The following SLC35F4 variants were observed in gnomAD, a reference collection of about 807,000 sequenced individuals.
SLC35F4 encodes chromosome 14 open reading frame 36.
Under a neutral mutation model 44.2 loss-of-function variants are expected in SLC35F4, and 24 were observed. That is an observed-to-expected ratio of 0.54 (90% confidence interval 0.39 to 0.76). SLC35F4 has a LOEUF of 0.76. Among genes scored for constraint, SLC35F4 ranks in the 30% least tolerant of loss-of-function variants. The pLI is 0.00. For synonymous variants in SLC35F4, 238 were observed against 223.6 expected, an observed-to-expected ratio of 1.06 and a Z score of -0.57; for missense variants, 562 against 586.1, an observed-to-expected ratio of 0.96 and a Z score of 0.42.
intron 1 of SLC35F4, among the ~76,000 whole-genome samples, chr14:57,724,153 G>T (rs1055570181): frequency 1.3e-5 from 2 of 152,204 alleles, no homozygotes; most frequent in Non-Finnish European, 2.9e-5. Flanking sequence ...AGTTTTGAGT[G>T]GGGTACAGAA....
At chr14:57,736,164 G>C (rs1008867747) in intron 1 of SLC35F4, among the ~76,000 whole-genome samples, 2 of 152,158 alleles carry the variant, frequency 1.3e-5, no homozygotes, top group Non-Finnish European at 2.9e-5. Flanking sequence ...AACTAAGCTT[G>C]TCCTGTCTAA....
At chr14:57,694,670 A>G (rs1049951552) in intron 1 of SLC35F4, among the ~76,000 whole-genome samples, 2 of 152,198 alleles carry the variant, frequency 1.3e-5, no homozygotes, top group African/African-American at 2.4e-5. Flanking sequence ...ATCTGTGAAC[A>G]TAGCATATCT....
intron 1 of SLC35F4, among the ~76,000 whole-genome samples, chr14:57,666,139 T>C (rs958553456): frequency 3.3e-5 from 5 of 152,138 alleles, no homozygotes; most frequent in Non-Finnish European, 7.4e-5. Flanking sequence ...AAATAAAGCT[T>C]GTCATAGGAA....
chr14:57,609,482 G>A (rs925339621), intron 1 of SLC35F4, among the ~76,000 whole-genome samples: 2 of 152,154 alleles, frequency 1.3e-5, no homozygotes, highest in Non-Finnish European at 2.9e-5. Context: ...TAAAGTATTT[G>A]TTCTGTTCCT....
chr14:57,584,822 A>C (rs141109758), intron 3 of SLC35F4, among the ~76,000 whole-genome samples: 125 of 152,128 alleles, frequency 8.2e-4, no homozygotes, highest in African/African-American at 2.5e-3. Flanking sequence ...TTCTTTTTAT[A>C]TAAAACTTTT....
chr14:57,587,689 T>C (rs2069853542), intron 3 of SLC35F4, among the ~76,000 whole-genome samples: 1 of 151,962 alleles, frequency 6.6e-6, no homozygotes, highest in Non-Finnish European at 1.5e-5. Flanking sequence ...GGTTAATGGG[T>C]GTAGCAAACC....
rs565630350 is a variant in SLC35F4 at position 57,797,810 on chromosome 14, C to A, written c.103+67913G>T. Among the ~76,000 whole-genome samples the A allele has an allele frequency of 3.5e-4, 53 of 152,166 alleles. 1 individual carries two copies. The highest frequency in any genetic ancestry group is 3.1e-3 in the Admixed American group (48 of 15,290). On this transcript the variant is annotated intron_variant, in intron 1 of 7. Transcript: ENST00000556826. ...GTCACTCCCCTGTAATAGTTTATAT[C>A]CTTGCCATATATCTTGACAGTATGG... is the stretch of plus-strand genomic sequence containing the variant.
intron 5 of SLC35F4, 118 bp from the exon 6 acceptor site, chr14:57,570,098 C>T: frequency 1.1e-6 from 1 of 913,480 alleles, no homozygotes; most frequent in Non-Finnish European, 1.6e-6. Context: ...TTTCTTCTTG[C>T]CCTGACATCT....
chr14:57,616,803 A>C (rs145739722), intron 1 of SLC35F4, among the ~76,000 whole-genome samples: 1 of 152,118 alleles, frequency 6.6e-6, no homozygotes, highest in Non-Finnish European at 1.5e-5. Context: ...CCTTCATCTT[A>C]AATAAGGACT....
At chr14:57,569,140 C>A (rs930865827) in intron 6 of SLC35F4, among the ~76,000 whole-genome samples, 2 of 152,128 alleles carry the variant, frequency 1.3e-5, no homozygotes, top group African/African-American at 4.8e-5. Flanking sequence ...CCAGGATCAC[C>A]AAGCCTAGTG....
chr14:57,845,181 G>C (rs1885898751), intron 1 of SLC35F4, among the ~76,000 whole-genome samples: 1 of 152,194 alleles, frequency 6.6e-6, no homozygotes, highest in South Asian at 2.1e-4. Context: ...AGCCATGGGA[G>C]GATCTGAAAT....
intron 1 of SLC35F4, among the ~76,000 whole-genome samples, chr14:57,860,965 T>C (rs1303769835): frequency 1.3e-5 from 2 of 152,224 alleles, no homozygotes; most frequent in Admixed American, 6.5e-5. Flanking sequence ...CATTGGATAA[T>C]CTGTAACTCT....
intron 1 of SLC35F4, among the ~76,000 whole-genome samples, chr14:57,714,138 G>C (rs748940739): frequency 1.3e-4 from 20 of 152,104 alleles, no homozygotes; most frequent in Admixed American, 5.2e-4. Context: ...CAGAATCAAA[G>C]AGTATAAGAA....
At chr14:57,847,397 C>T (rs371017011) in intron 1 of SLC35F4, among the ~76,000 whole-genome samples, 1 of 152,130 alleles carries the variant, frequency 6.6e-6, no homozygotes, top group South Asian at 2.1e-4. Context: ...AGAAGGCATT[C>T]AGGGGCTAGT....
intron 1 of SLC35F4, among the ~76,000 whole-genome samples, chr14:57,600,581 ACCT>A (rs2070754624): frequency 2.1e-5 from 3 of 144,276 alleles, no homozygotes; most frequent in African/African-American, 7.6e-5. Context: ...AGTCCCAGCT[ACCT>A]GGGAGGCTGA....
At chr14:57,760,211 G>A (rs1189196734) in intron 1 of SLC35F4, among the ~76,000 whole-genome samples, 4 of 151,982 alleles carry the variant, frequency 2.6e-5, no homozygotes, top group Non-Finnish European at 5.9e-5. Flanking sequence ...TTTTGTGCAT[G>A]TTGTAAGATT....
intron 1 of SLC35F4, among the ~76,000 whole-genome samples, chr14:57,628,237 G>A (rs2140118852): frequency 1.6e-5 from 1 of 64,138 alleles, no homozygotes; most frequent in South Asian, 4.7e-4. Context: ...CTTTCTATAT[G>A]ACTGAATTTT....
chr14:57,639,653 A>G (rs2073147077), intron 1 of SLC35F4, among the ~76,000 whole-genome samples: 1 of 152,014 alleles, frequency 6.6e-6, no homozygotes, highest in Admixed American at 6.6e-5. Flanking sequence ...TGAGGGGCCC[A>G]GTACTTTATT....
At chr14:57,694,871 T>C (rs1435583197) in intron 1 of SLC35F4, among the ~76,000 whole-genome samples, 3 of 152,192 alleles carry the variant, frequency 2.0e-5, no homozygotes, top group Admixed American at 2.0e-4. Flanking sequence ...AATTGTATAT[T>C]TCTAATATAG....
Sources: gnomAD v4.1 joint callset for allele counts (sites outside exome capture counted in the v4.1 genomes callset) on GRCh38, gnomAD v4.1.1 for gene constraint, MANE v1.5 for transcripts, NCBI Gene and HGNC (gene_info 2026-07-23, HGNC 2026-07-21) for gene names.